SPNS3: variants seen among roughly 807,000 people sequenced by gnomAD.
SPNS3 encodes the protein SPNS lysolipid transporter 3, sphingosine-1-phosphate (putative), also known as protein spinster homolog 3.
In SPNS3, 51 loss-of-function variants were observed where a neutral mutation model predicts 54.4. The observed-to-expected ratio is 0.94, with a 90% CI of 0.75 to 1.18. SPNS3 has a LOEUF of 1.18. SPNS3 is among the 50% of genes most tolerant of loss of function. The pLI is 0.00. For synonymous variants in SPNS3, 309 were observed against 294.7 expected (o/e 1.05, Z -0.50); for missense variants, 669 against 677.4 (o/e 0.99, Z 0.14).
rs145468118 is a variant in SPNS3 at position 4,453,054 on chromosome 17, T to A, written c.962T>A (p.Ile321Asn). The change falls in exon 8 of 12, where the codon ATT (isoleucine) becomes AAT (asparagine). Residue 321 changes from isoleucine (I) to asparagine (N), a missense_variant. Transcript: ENST00000355530. ...FGALTIMTGV[I>N]GVILGAEAAR... ...GCACTGACCATCATGACCGGCGTCA[T>A]TGGGGTCATCTTGGGGGCAGAAGCT... 6.2e-6 allele frequency: 10 copies of A among 1,613,916 alleles called. No individual in the cohort carries two copies. The Admixed American group carries it at 1.7e-4, about 27-fold the overall frequency.
intron 1 of SPNS3, among the ~76,000 whole-genome samples, chr17:4,437,980 G>A (rs926211283): frequency 3.9e-5 from 6 of 152,086 alleles, no homozygotes; most frequent in Non-Finnish European, 5.9e-5. Flanking sequence ...ATAGAGATGG[G>A]ATTTCACTGT....
At chr17:4,459,356 C>A (rs1226735440) in intron 8 of SPNS3, among the ~76,000 whole-genome samples, 1 of 152,090 alleles carries the variant, frequency 6.6e-6, no homozygotes, top group Non-Finnish European at 1.5e-5. Flanking sequence ...TGTTTGTATT[C>A]ATTTGTTTAT....
At chr17:4,442,889 T>C (rs1970888520) in intron 2 of SPNS3, among the ~76,000 whole-genome samples, 1 of 152,110 alleles carries the variant, frequency 6.6e-6, no homozygotes, top group Non-Finnish European at 1.5e-5. Context: ...TTTCACCCAC[T>C]GTGTCACAGA....
chr17:4,454,283 C>T (rs1971245013), intron 8 of SPNS3, among the ~76,000 whole-genome samples: 1 of 152,252 alleles, frequency 6.6e-6, no homozygotes, highest in Non-Finnish European at 1.5e-5. Context: ...CCCTGCCTGT[C>T]CCCCAACATG....
Position 4,446,969 on chromosome 17 carries a change from C to G in SPNS3, c.621+7C>G, listed in dbSNP as rs1229337017. ...CTGGCGCTGGGCCCTCCGAGTGAGT[C>G]CAGCTTCCTTTTCTTCCCTCTGCTT... On this transcript the variant is annotated splice_region_variant and intron_variant, in intron 5 of 11. Transcript: ENST00000355530. 2 of 1,614,050 alleles carry G rather than the reference C, an allele frequency of 1.2e-6. No individual in the cohort carries two copies. Among genetic ancestry groups the G allele is most frequent in the Non-Finnish European group, 1.7e-6 (2 of 1,179,928 alleles).
intron 5 of SPNS3, 64 bp from the exon 6 acceptor site, chr17:4,448,091 C>A: frequency 1.4e-6 from 2 of 1,464,426 alleles, no homozygotes; most frequent in South Asian, 1.4e-5. Flanking sequence ...GCCAGTTGCC[C>A]CCGGGGGTCC....
chr17:4,461,158 G>A (rs1971489262), intron 8 of SPNS3, among the ~76,000 whole-genome samples: 2 of 151,788 alleles, frequency 1.3e-5, no homozygotes, highest in Non-Finnish European at 2.9e-5. Context: ...TTATATAACA[G>A]TTCCTTCTAA....
At chr17:4,436,033 A>G (rs1312951479) in intron 1 of SPNS3, among the ~76,000 whole-genome samples, 1 of 150,386 alleles carries the variant, frequency 6.6e-6, no homozygotes, top group East Asian at 1.9e-4. Flanking sequence ...AACTGTGGGC[A>G]GGACCCCCTG....
At chr17:4,464,657 G>A (rs1971628483) in intron 8 of SPNS3, among the ~76,000 whole-genome samples, 1 of 152,104 alleles carries the variant, frequency 6.6e-6, no homozygotes, top group Non-Finnish European at 1.5e-5. Context: ...AAAGAGATAA[G>A]CAAACTTTTG....
intron 8 of SPNS3, among the ~76,000 whole-genome samples, chr17:4,469,060 T>G (rs989545732): frequency 3.3e-5 from 5 of 151,870 alleles, no homozygotes; most frequent in African/African-American, 9.7e-5. Flanking sequence ...AGTGCTGGGA[T>G]TACAGGTGTG....
chr17:4,468,447 A>G (rs1297145345), intron 8 of SPNS3, among the ~76,000 whole-genome samples: 4 of 152,076 alleles, frequency 2.6e-5, no homozygotes, highest in African/African-American at 9.7e-5. Flanking sequence ...TATATTTTGG[A>G]AGTAGAATGA....
At chr17:4,435,106 C>G (rs1266856606) in intron 1 of SPNS3, among the ~76,000 whole-genome samples, 1 of 152,042 alleles carries the variant, frequency 6.6e-6, no homozygotes, top group Non-Finnish European at 1.5e-5. Context: ...CCAGCCGAAA[C>G]TCTGTCTCTA....
intron 3 of SPNS3, among the ~76,000 whole-genome samples, chr17:4,445,373 G>A (rs977597113): frequency 1.6e-5 from 2 of 124,362 alleles, no homozygotes; most frequent in Non-Finnish European, 3.4e-5. Flanking sequence ...AGAGCTGGTG[G>A]ACTTTTTTTT....
At chr17:4,479,568 A>G (rs1218074696) in intron 9 of SPNS3, among the ~76,000 whole-genome samples, 2 of 152,372 alleles carry the variant, frequency 1.3e-5, no homozygotes, top group African/African-American at 4.8e-5. Flanking sequence ...GTGCCTTTGT[A>G]GATAACGCAG....
chr17:4,444,040 G>A (rs768785634), intron 2 of SPNS3, among the ~76,000 whole-genome samples: 2 of 152,172 alleles, frequency 1.3e-5, no homozygotes, highest in African/African-American at 4.8e-5. Context: ...GGCAGAGGCT[G>A]CAGGGAGCTG....
intron 2 of SPNS3, among the ~76,000 whole-genome samples, chr17:4,443,250 T>G (rs1177284652): frequency 6.6e-6 from 1 of 152,146 alleles, no homozygotes; most frequent in Admixed American, 6.6e-5. Context: ...TCTGTATTTT[T>G]AGTAGAGATG....
chr17:4,449,642 G>GCTGC (rs1971106942), intron 7 of SPNS3, among the ~76,000 whole-genome samples: 2 of 152,082 alleles, frequency 1.3e-5, no homozygotes, highest in African/African-American at 4.8e-5. Flanking sequence ...CACTCTTGGG[G>GCTGC]CTGCTGTGGG....
At chr17:4,476,582 C>G (rs1196760185) in intron 8 of SPNS3, among the ~76,000 whole-genome samples, 1 of 152,142 alleles carries the variant, frequency 6.6e-6, no homozygotes, top group Non-Finnish European at 1.5e-5. Flanking sequence ...GTGAGTCGGG[C>G]TGGGCTTTCA....
chr17:4,472,113 C>A (rs1971871125), intron 8 of SPNS3, among the ~76,000 whole-genome samples: 1 of 152,216 alleles, frequency 6.6e-6, no homozygotes, highest in Non-Finnish European at 1.5e-5. Flanking sequence ...CCCGTCTCAG[C>A]CTCCCAAAGT....
Sources: allele counts gnomAD v4.1 joint callset (sites outside exome capture counted in the v4.1 genomes callset), GRCh38; gene constraint gnomAD v4.1.1; transcripts MANE v1.5; gene names NCBI Gene and HGNC (gene_info 2026-07-23, HGNC 2026-07-21).